The following LRRC4C variants were observed in gnomAD, a reference collection of about 807,000 sequenced individuals.
LRRC4C encodes the protein leucine-rich repeat-containing protein 4C.
A neutral mutation model predicts 33.6 loss-of-function variants in LRRC4C; 5 were observed. That is an observed-to-expected ratio of 0.15 (90% CI 0.08 to 0.31). LRRC4C has a LOEUF of 0.31. Ranked by LOEUF, LRRC4C falls within the 10% of genes least tolerant of loss-of-function variation. LRRC4C has a pLI of 1.00. For synonymous variants in LRRC4C, 329 were observed against 302.0 expected (o/e 1.09, Z -0.93); for missense variants, 560 against 796.7 (o/e 0.70, Z 3.58).
At chr11:41,197,196 A>T (rs559006884) in intron 1 of LRRC4C, among the ~76,000 whole-genome samples, 1 of 152,184 alleles carries the variant, frequency 6.6e-6, no homozygotes, top group Admixed American at 6.6e-5. Flanking sequence ...ATTCATCCAC[A>T]GATCTCTATA....
At chr11:40,969,249 G>C (rs1002965659) in intron 1 of LRRC4C, among the ~76,000 whole-genome samples, 1 of 150,456 alleles carries the variant, frequency 6.6e-6, no homozygotes, top group Non-Finnish European at 1.5e-5. Context: ...GCACTCTTGT[G>C]ATAAAATTTG....
intron 2 of LRRC4C, among the ~76,000 whole-genome samples, chr11:40,764,600 C>T (rs1243644431): frequency 2.0e-5 from 3 of 152,138 alleles, no homozygotes; most frequent in Admixed American, 2.0e-4. Flanking sequence ...CTGTAGAGCC[C>T]TTGGGCCTTG....
chr11:41,410,736 G>A (rs1410411323), intron 1 of LRRC4C, among the ~76,000 whole-genome samples: 1 of 152,006 alleles, frequency 6.6e-6, no homozygotes, highest in Non-Finnish European at 1.5e-5. Flanking sequence ...CACCGCGCCT[G>A]GCCGAGAAAG....
rs535299679 is a variant in LRRC4C, at chr11:41,036,720, C to T, written c.-495-102997G>A. Among the ~76,000 whole-genome samples the T allele has an allele frequency of 1.1e-4, 17 of 152,172 alleles. No individual in the cohort carries two copies. The South Asian group carries it at 3.5e-3, about 32-fold the overall frequency. Reference sequence around the variant, plus strand: ...ATAATGTCAAAGATTTTATTTAATTCATTCATTAATAAGGAAACCTAAATG... The same window carrying T: ...ATAATGTCAAAGATTTTATTTAATTTATTCATTAATAAGGAAACCTAAATG... On this transcript the variant is annotated intron_variant, in intron 1 of 6. Coordinates refer to ENST00000528697, the MANE Select transcript of LRRC4C (RefSeq NM_001258419.2).
At chr11:41,267,411 C>A (rs556538103) in intron 1 of LRRC4C, among the ~76,000 whole-genome samples, 4 of 152,064 alleles carry the variant, frequency 2.6e-5, no homozygotes, top group Non-Finnish European at 5.9e-5. Flanking sequence ...AGAGAAATGA[C>A]AATCTCTCAA....
At chr11:40,373,450 A>C (rs191613807) in intron 3 of LRRC4C, among the ~76,000 whole-genome samples, 11 of 152,290 alleles carry the variant, frequency 7.2e-5, no homozygotes, top group Admixed American at 1.3e-4. Flanking sequence ...AGAATATAAA[A>C]TTTTTTCCCC....
At chr11:41,112,656 G>A (rs1941902471) in intron 1 of LRRC4C, among the ~76,000 whole-genome samples, 1 of 151,964 alleles carries the variant, frequency 6.6e-6, no homozygotes, top group Non-Finnish European at 1.5e-5. Flanking sequence ...TTTCAATCAT[G>A]TACTCTCCTT....
intron 1 of LRRC4C, among the ~76,000 whole-genome samples, chr11:41,182,550 GATA>G (rs1945499240): frequency 6.6e-6 from 1 of 151,898 alleles, no homozygotes; most frequent in South Asian, 2.1e-4. Flanking sequence ...TTATATTATT[GATA>G]ATAATAATCT....
At chr11:40,894,330 A>T (rs978483236) in intron 2 of LRRC4C, among the ~76,000 whole-genome samples, 4 of 152,158 alleles carry the variant, frequency 2.6e-5, no homozygotes, top group Non-Finnish European at 4.4e-5. Context: ...TTTATAAAGC[A>T]GCAAAGGAAA....
At chr11:40,912,215 G>A (rs1956731429) in intron 2 of LRRC4C, among the ~76,000 whole-genome samples, 2 of 152,056 alleles carry the variant, frequency 1.3e-5, no homozygotes, top group Admixed American at 1.3e-4. Context: ...GATACTCCTT[G>A]AGAAGAGCAA....
intron 1 of LRRC4C, among the ~76,000 whole-genome samples, chr11:41,411,035 A>G (rs1352571629): frequency 2.6e-5 from 4 of 151,642 alleles, no homozygotes; most frequent in African/African-American, 7.3e-5. Context: ...GAGATCACCA[A>G]TTGTCAGCCA....
intron 1 of LRRC4C, among the ~76,000 whole-genome samples, chr11:41,296,097 T>C (rs932113702): frequency 1.3e-5 from 2 of 152,198 alleles, no homozygotes; most frequent in Non-Finnish European, 2.9e-5. Context: ...GAAGTGTGGA[T>C]CAATATTTCC....
Position 40,972,262 on chromosome 11 carries a change from C to T in LRRC4C, c.-495-38539G>A, listed in dbSNP as rs182906073. Among the ~76,000 whole-genome samples, 474 of 151,668 alleles carry T rather than the reference C, an allele frequency of 3.1e-3. 3 individuals carry two copies. Among genetic ancestry groups the T allele is most frequent in the African/African-American group, 0.011 (449 of 41,338 alleles). ...TGCAATTCTCATACCTCAGTCCCTT[C>T]AGTAGCTGGGATTACAAGCATGTGC... On this transcript the variant is annotated intron_variant, in intron 1 of 6. Transcript: ENST00000528697.
chr11:40,218,431 C>G (rs1864129346), intron 5 of LRRC4C, among the ~76,000 whole-genome samples: 1 of 152,046 alleles, frequency 6.6e-6, no homozygotes. Context: ...TAGAGAATCA[C>G]AGAACATTTA....
chr11:41,264,493 A>G (rs1949086488), intron 1 of LRRC4C, among the ~76,000 whole-genome samples: 1 of 152,152 alleles, frequency 6.6e-6, no homozygotes, highest in Admixed American at 6.6e-5. Context: ...ATATGGCAAT[A>G]AATACCATTT....
intron 1 of LRRC4C, among the ~76,000 whole-genome samples, chr11:40,964,910 G>T (rs1187011623): frequency 6.6e-6 from 1 of 151,952 alleles, no homozygotes; most frequent in Admixed American, 6.6e-5. Flanking sequence ...TGGGTCAAAT[G>T]GTATTTCTAG....
chr11:40,989,425 G>A (rs1853338531), intron 1 of LRRC4C, among the ~76,000 whole-genome samples: 1 of 152,108 alleles, frequency 6.6e-6, no homozygotes, highest in African/African-American at 2.4e-5. Context: ...TAAGGAAAAT[G>A]CCTATATTCC....
chr11:41,438,628 T>C (rs1191294243), intron 1 of LRRC4C, among the ~76,000 whole-genome samples: 5 of 152,150 alleles, frequency 3.3e-5, no homozygotes. Flanking sequence ...GAGAATGACA[T>C]GAGATGGAGT....
intron 3 of LRRC4C, among the ~76,000 whole-genome samples, chr11:40,321,050 T>A (rs959158964): frequency 1.3e-5 from 2 of 152,194 alleles, no homozygotes; most frequent in African/African-American, 4.8e-5. Context: ...AATAACTCTT[T>A]GGAGTCTAAT....
Sources: allele counts gnomAD v4.1 joint callset (sites outside exome capture counted in the v4.1 genomes callset), GRCh38; gene constraint gnomAD v4.1.1; transcripts MANE v1.5; gene names NCBI Gene and HGNC (gene_info 2026-07-23, HGNC 2026-07-21).